Variants in DNAH3 observed in about 807,000 individuals in gnomAD.
The protein encoded by DNAH3 is axonemal beta dynein heavy chain 3.
In DNAH3, 332 loss-of-function variants were observed where a neutral mutation model predicts 432.5. The observed-to-expected ratio is 0.77, with a 90% CI of 0.70 to 0.84. The LOEUF (loss-of-function observed/expected upper bound fraction) is 0.84. Among genes scored for constraint, DNAH3 ranks in the 40% least tolerant of loss-of-function variants. The pLI, the probability that DNAH3 is intolerant of heterozygous loss-of-function variation, is 0.00. For missense variants in DNAH3, 4,861 were observed against 5,114.0 expected, an observed-to-expected ratio of 0.95 and a Z score of 1.51; for synonymous variants, 1,956 against 1,900.2, an observed-to-expected ratio of 1.03 and a Z score of -0.76.
In DNAH3 at chr16:21,008,103, T is replaced by C. The variant is rs1243052883; in HGVS notation, c.6023-4896A>G. Among the ~76,000 whole-genome samples the C allele has an allele frequency of 4.6e-5, 7 of 152,318 alleles. No individual in the cohort carries two copies. The East Asian group carries it at 1.2e-3, about 25-fold the overall frequency. On this transcript the variant is annotated intron_variant, in intron 41 of 61. Coordinates refer to ENST00000261383, the Ensembl canonical transcript of DNAH3. ...ATACCATACTATTCATTTATGAACT[T>C]AAAAATTTAAACTTCTATTATTACA... is the stretch of plus-strand genomic sequence containing the variant.
At chr16:20,948,687 G>A (rs780000378) in intron 56 of DNAH3, 50 bp from the exon 57 acceptor site, 13 of 1,597,056 alleles carry the variant, frequency 8.1e-6, no homozygotes, top group South Asian at 3.3e-5. Flanking sequence ...AGGTCATCAC[G>A]AGCTTGGTGG....
chr16:21,128,435 C>G (rs1244724003), intron 7 of DNAH3, among the ~76,000 whole-genome samples: 1 of 151,922 alleles, frequency 6.6e-6, no homozygotes, highest in Non-Finnish European at 1.5e-5. Flanking sequence ...TGGCTCACAC[C>G]TGTAATCCCA....
Position 21,125,382 on chromosome 16 carries a change from GA to G in DNAH3, c.1209-13del, listed in dbSNP as rs1437125990. The G allele has an allele frequency of 6.3e-7, 1 of 1,574,904 alleles. No homozygotes were observed. Among genetic ancestry groups the G allele is most frequent in the East Asian group, 2.3e-5 (1 of 43,820 alleles). On this transcript the variant is annotated splice_polypyrimidine_tract_variant and intron_variant, in intron 8 of 61. Transcript: ENST00000261383. ...AGGTGGGGATCCACCTGTAAAGACAGAAGGGTGTCCATGTGAGAAGCTCTTC... is the reference window on the plus strand; with the variant it reads ...AGGTGGGGATCCACCTGTAAAGACAGAGGGTGTCCATGTGAGAAGCTCTTC...
At position 21,097,775 on chromosome 16, in the gene DNAH3, C is replaced by T. The variant is rs374992502; in HGVS notation, c.2521-276G>A. On this transcript the variant is annotated intron_variant, in intron 17 of 61. Transcript: ENST00000261383. ...TTCCACTCTATGACAGCCATATCTC[C>T]GTTTTCATAATTTTCATATGTACTT... 1.8e-4 allele frequency among the ~76,000 whole-genome samples: 27 copies of T among 152,232 alleles called. No homozygotes were observed. The South Asian group carries it at 2.7e-3, about 15-fold the overall frequency.
At chr16:21,018,324 G>A (rs1311181442) in intron 41 of DNAH3, among the ~76,000 whole-genome samples, 1 of 151,956 alleles carries the variant, frequency 6.6e-6, no homozygotes, top group African/African-American at 2.4e-5. Context: ...TTTTGTTCTA[G>A]GAATATAGAA....
chr16:20,954,338 T>G lies in DNAH3; in HGVS notation c.11071+475A>C, dbSNP rs560762200. Among the ~76,000 whole-genome samples the G allele has an allele frequency of 2.9e-3, 433 of 150,448 alleles. 1 individual carries two copies. Among genetic ancestry groups the G allele is most frequent in the Middle Eastern group, 6.9e-3 (2 of 290 alleles). On this transcript the variant is annotated intron_variant, in intron 55 of 61. Coordinates refer to ENST00000261383, the Ensembl canonical transcript of DNAH3. The stretch of plus-strand genomic sequence containing the variant: ...CAGGGTCTCACTCTGTCACCCAGGC[T>G]GGAGTGTGGTGGTGTGATATGGGCT...
chr16:21,091,673 G>A (rs553582002), intron 18 of DNAH3, among the ~76,000 whole-genome samples: 5 of 152,150 alleles, frequency 3.3e-5, no homozygotes, highest in South Asian at 2.1e-4. Context: ...AAAATTAGCC[G>A]GGTGTGGTGG....
intron 1 of DNAH3, 54 bp from the exon 3 acceptor site, chr16:21,146,142 C>A: frequency 7.6e-7 from 1 of 1,322,786 alleles, no homozygotes; most frequent in East Asian, 2.3e-5. Flanking sequence ...GATTTGCAAG[C>A]CTCTGAGTTG....
At chr16:21,006,003 G>T (rs2087285316) in intron 41 of DNAH3, among the ~76,000 whole-genome samples, 1 of 151,992 alleles carries the variant, frequency 6.6e-6, no homozygotes, top group Admixed American at 6.6e-5. Context: ...AGAAACAACT[G>T]TTCATTTTAA....
intron 14 of DNAH3, among the ~76,000 whole-genome samples, chr16:21,109,912 A>G (rs1218361096): frequency 6.6e-6 from 1 of 151,102 alleles, no homozygotes; most frequent in Non-Finnish European, 1.5e-5. Flanking sequence ...CTAATTTCTT[A>G]ATTTTTATTT....
At chr16:21,134,179 C>T (rs1229598928) in intron 7 of DNAH3, 80 bp downstream of exon 8, 1 of 1,382,882 alleles carries the variant, frequency 7.2e-7, no homozygotes, top group Non-Finnish European at 9.8e-7. Context: ...GCTACCCCCA[C>T]TGTGCACAGC....
At chr16:21,033,923 A>C in intron 36 of DNAH3, 51 bp downstream of exon 36, 1 of 1,347,866 alleles carries the variant, frequency 7.4e-7, no homozygotes, top group Non-Finnish European at 1.1e-6. Flanking sequence ...GGAGCCAGCC[A>C]ACTGAGCGAG....
At chr16:20,997,489 C>T in intron 43 of DNAH3, 27 bp from the exon 44 acceptor site, 1 of 1,609,826 alleles carries the variant, frequency 6.2e-7, no homozygotes, top group Non-Finnish European at 8.5e-7. Flanking sequence ...CAGATACAGC[C>T]ATTGCAAGTT....
intron 32 of DNAH3, among the ~76,000 whole-genome samples, chr16:21,040,323 C>A (rs2089375116): frequency 6.9e-6 from 1 of 143,994 alleles, no homozygotes; most frequent in Non-Finnish European, 1.5e-5. Context: ...GAATGCAGAA[C>A]CAATATGCAT....
intron 54 of DNAH3, among the ~76,000 whole-genome samples, 155 bp from the exon 55 acceptor site, chr16:20,955,212 TAAAAA>T (rs954103913): frequency 6.6e-6 from 1 of 151,236 alleles, no homozygotes; most frequent in Non-Finnish European, 1.5e-5. Context: ...ATTGATAAAT[TAAAAA>T]AAAATAACAA....
chr16:20,945,442 G>A (rs997663883), intron 57 of DNAH3, among the ~76,000 whole-genome samples: 1 of 151,612 alleles, frequency 6.6e-6, no homozygotes, highest in Admixed American at 6.6e-5. Context: ...AATCAGTTGA[G>A]CAGCAACCCA....
chr16:21,073,982 A>G (rs1280439623), intron 21 of DNAH3, among the ~76,000 whole-genome samples: 1 of 152,118 alleles, frequency 6.6e-6, no homozygotes, highest in East Asian at 1.9e-4. Flanking sequence ...GCCCCAAAAC[A>G]CAGTTTTCCC....
intron 51 of DNAH3, among the ~76,000 whole-genome samples, chr16:20,971,889 C>T (rs1487102152): frequency 1.3e-5 from 2 of 152,216 alleles, no homozygotes; most frequent in East Asian, 1.9e-4. Context: ...TACGCTCTGG[C>T]ACAGGCTACA....
At chr16:21,102,872 T>C (rs1006899366) in intron 16 of DNAH3, among the ~76,000 whole-genome samples, 2 of 148,414 alleles carry the variant, frequency 1.3e-5, no homozygotes, top group Non-Finnish European at 3.0e-5. Flanking sequence ...TTGAAGACTA[T>C]TATTCTTTTT....
Sources: gnomAD v4.1 joint callset for allele counts (sites outside exome capture counted in the v4.1 genomes callset) on GRCh38, gnomAD v4.1.1 for gene constraint, MANE v1.5 for transcripts, NCBI Gene and HGNC (gene_info 2026-07-23, HGNC 2026-07-21) for gene names.